The following ESRRG variants were observed in gnomAD, a reference collection of about 807,000 sequenced individuals.
The protein encoded by ESRRG is estrogen-related receptor gamma.
In ESRRG, 13 loss-of-function variants were observed where a neutral mutation model predicts 44.0. The observed-to-expected ratio is 0.30, with a 90% confidence interval of 0.19 to 0.47. The LOEUF is 0.47. ESRRG is among the 20% of genes least tolerant of loss of function. The pLI, the probability that ESRRG is intolerant of heterozygous loss-of-function variation, is 1.00. For synonymous variants in ESRRG, 215 were observed against 214.6 expected (o/e 1.00, Z -0.02); for missense variants, 395 against 580.6 (o/e 0.68, Z 3.29).
chr1:216,552,669 G>A (rs1372258454), intron 5 of ESRRG, among the ~76,000 whole-genome samples: 2 of 152,074 alleles, frequency 1.3e-5, no homozygotes, highest in African/African-American at 2.4e-5. Flanking sequence ...AAGACAGTAC[G>A]TTGCTGACTA....
intron 2 of ESRRG, among the ~76,000 whole-genome samples, chr1:216,869,733 A>G (rs1384337557): frequency 6.6e-6 from 1 of 152,006 alleles, no homozygotes; most frequent in African/African-American, 2.4e-5. Context: ...TATTGCATCC[A>G]TATTTGTAGT....
chr1:216,741,586 C>T (rs1313414731), intron 2 of ESRRG, among the ~76,000 whole-genome samples: 1 of 152,104 alleles, frequency 6.6e-6, no homozygotes, highest in Non-Finnish European at 1.5e-5. Context: ...TTTTACTTCT[C>T]TTATTAAACT....
chr1:216,658,415 T>C (rs1035639949), intron 2 of ESRRG, among the ~76,000 whole-genome samples: 1 of 152,166 alleles, frequency 6.6e-6, no homozygotes, highest in East Asian at 1.9e-4. Flanking sequence ...GCATTGTGCA[T>C]GTTCATTTTA....
rs184313108 is a variant in ESRRG at position 217,088,009 on chromosome 1, G to A, written c.-106+1498C>T. Among the ~76,000 whole-genome samples, 446 of 151,740 alleles carry A rather than the reference G, an allele frequency of 2.9e-3. 1 individual carries two copies. The highest frequency in any genetic ancestry group is 0.01 in the African/African-American group (419 of 41,380). ...CCACAATGACAGAACTGTTTCTCAG[G>A]TTGGTTAACTCATTTTGACAACATC... On this transcript the variant is annotated intron_variant, in intron 1 of 7. Coordinates refer to the ESRRG transcript ENST00000359162.
chr1:216,632,416 A>C (rs995570496), intron 3 of ESRRG, among the ~76,000 whole-genome samples: 1 of 152,238 alleles, frequency 6.6e-6, no homozygotes. Flanking sequence ...TCCTAGTTAT[A>C]TCTCATTTGA....
intron 5 of ESRRG, among the ~76,000 whole-genome samples, chr1:216,536,086 A>G (rs1338668061): frequency 2.0e-5 from 3 of 152,110 alleles, no homozygotes; most frequent in Non-Finnish European, 2.9e-5. Flanking sequence ...CACTGATAAG[A>G]CATCTTTCTC....
intron 1 of ESRRG, chr1:216,715,022 C>G: frequency 1.1e-6 from 1 of 936,494 alleles, no homozygotes; most frequent in Non-Finnish European, 1.3e-6. Context: ...TCCTCACCTC[C>G]CTTTGCTGAA....
At chr1:217,029,330 T>C (rs12075072) in intron 1 of ESRRG, among the ~76,000 whole-genome samples, 34,467 of 151,878 alleles carry the variant, frequency 0.23, 4,120 homozygotes, top group Middle Eastern at 0.3. Flanking sequence ...TTATACTCAC[T>C]AGCTCAGAAA....
chr1:216,861,441 T>C (rs2096053891), intron 2 of ESRRG, among the ~76,000 whole-genome samples: 1 of 152,048 alleles, frequency 6.6e-6, no homozygotes, highest in Non-Finnish European at 1.5e-5. Flanking sequence ...ATATTGATCA[T>C]TACACATTGT....
intron 3 of ESRRG, among the ~76,000 whole-genome samples, chr1:216,607,333 G>A (rs2060064095): frequency 6.6e-6 from 1 of 152,140 alleles, no homozygotes; most frequent in Admixed American, 6.5e-5. Flanking sequence ...TCTGTCACTT[G>A]TTTACATTTA....
At chr1:216,804,173 T>A (rs139211470) in intron 2 of ESRRG, among the ~76,000 whole-genome samples, 11 of 152,300 alleles carry the variant, frequency 7.2e-5, no homozygotes, top group South Asian at 6.2e-4. Flanking sequence ...TTAATTAATT[T>A]ATTTATTTAT....
chr1:216,535,630 T>A (rs1039717844), intron 5 of ESRRG, among the ~76,000 whole-genome samples: 3 of 152,132 alleles, frequency 2.0e-5, no homozygotes, highest in Non-Finnish European at 4.4e-5. Flanking sequence ...TCTCAATCCA[T>A]CTGCTCTGGC....
chr1:217,024,966 T>G (rs1030203698), intron 1 of ESRRG, among the ~76,000 whole-genome samples: 2 of 151,740 alleles, frequency 1.3e-5, no homozygotes, highest in South Asian at 2.1e-4. Flanking sequence ...GCATGAAGAG[T>G]TTTAGTAACA....
chr1:216,891,794 C>CTTTTT (rs35043282), intron 2 of ESRRG, among the ~76,000 whole-genome samples: 33 of 102,358 alleles, frequency 3.2e-4, no homozygotes, highest in Non-Finnish European at 4.0e-4. Flanking sequence ...GTGGTGCCCG[C>CTTTTT]TTTTTTTTTT....
intron 2 of ESRRG, among the ~76,000 whole-genome samples, chr1:216,861,236 T>A (rs760243302): frequency 5.9e-5 from 9 of 151,994 alleles, no homozygotes; most frequent in Admixed American, 4.6e-4. Flanking sequence ...AGATTTAAAC[T>A]TAACCATATC....
At chr1:216,530,432 G>T (rs993300238) in intron 5 of ESRRG, among the ~76,000 whole-genome samples, 1 of 152,214 alleles carries the variant, frequency 6.6e-6, no homozygotes, top group East Asian at 1.9e-4. Context: ...ATTCAAGTAA[G>T]GTGAAAGTTC....
At chr1:216,800,672 C>A (rs2094587615) in intron 2 of ESRRG, among the ~76,000 whole-genome samples, 1 of 152,114 alleles carries the variant, frequency 6.6e-6, no homozygotes, top group African/African-American at 2.4e-5. Context: ...AAGCTGGGGA[C>A]TTTCTCTGAA....
intron 1 of ESRRG, among the ~76,000 whole-genome samples, chr1:217,065,405 T>A (rs1040567052): frequency 2.0e-5 from 3 of 152,222 alleles, no homozygotes; most frequent in Non-Finnish European, 2.9e-5. Flanking sequence ...ATTCTGTTGT[T>A]AAAGGTGTTC....
At chr1:217,030,633 T>G (rs1283191425) in intron 1 of ESRRG, among the ~76,000 whole-genome samples, 2 of 152,242 alleles carry the variant, frequency 1.3e-5, no homozygotes, top group Admixed American at 6.5e-5. Flanking sequence ...TGTTATTTTT[T>G]TCTTTGCTCA....
Sources: gnomAD v4.1 joint callset for allele counts (sites outside exome capture counted in the v4.1 genomes callset) on GRCh38, gnomAD v4.1.1 for gene constraint, MANE v1.5 for transcripts, NCBI Gene and HGNC (gene_info 2026-07-23, HGNC 2026-07-21) for gene names.